Variants in COL21A1 observed in about 807,000 individuals in gnomAD.
COL21A1 encodes collagen alpha-1(XXI) chain.
Under a neutral mutation model 137.9 loss-of-function variants are expected in COL21A1, and 149 were observed. The ratio of observed to expected loss-of-function variants is 1.08; its 90% CI spans 0.95 to 1.24. COL21A1 has a LOEUF of 1.24. Among genes scored for constraint, COL21A1 ranks in the 50% most tolerant of loss-of-function variants. The pLI, the probability that COL21A1 is intolerant of heterozygous loss-of-function variation, is 0.00. For synonymous variants in COL21A1, 456 were observed against 391.5 expected (o/e 1.16, Z -1.95); for missense variants, 1,167 against 1,158.4 (o/e 1.01, Z -0.11).
At position 56,308,730 on chromosome 6, in the gene COL21A1, C is replaced by G. The variant is rs552431083; in HGVS notation, c.-39+85241G>C. Among the ~76,000 whole-genome samples, 111 of 45,774 alleles carry G rather than the reference C, an allele frequency of 2.4e-3. No homozygotes were observed. The South Asian group carries it at 0.078, about 32-fold the overall frequency. The allele number at this position is 45,774 out of a possible 152,430, so 30.0% of individuals were successfully genotyped here. A position where few individuals can be genotyped will look rare whatever the true frequency, so the allele number is the denominator to read the frequency against. ...TAGAGGATAGATCTCGTTAAATGTT[C>G]TTACTACAAAAAAACAAATAAGATT... is the stretch of plus-strand genomic sequence containing the variant. On this transcript the variant is annotated intron_variant, in intron 1 of 28. Coordinates refer to the COL21A1 transcript ENST00000370819.
intron 16 of COL21A1, among the ~76,000 whole-genome samples, chr6:56,123,707 G>A (rs539367547): frequency 1.3e-5 from 2 of 152,258 alleles, no homozygotes; most frequent in East Asian, 3.9e-4. Context: ...CCACACAACT[G>A]ATAAAGAAGC....
intron 16 of COL21A1, among the ~76,000 whole-genome samples, chr6:56,106,358 C>T (rs1770890692): frequency 6.6e-6 from 1 of 152,138 alleles, no homozygotes; most frequent in South Asian, 2.1e-4. Flanking sequence ...CCCATTCTTT[C>T]CCCTTCTCTA....
intron 1 of COL21A1, among the ~76,000 whole-genome samples, chr6:56,352,700 A>G (rs1344847082): frequency 6.6e-6 from 1 of 152,144 alleles, no homozygotes; most frequent in Non-Finnish European, 1.5e-5. Flanking sequence ...TATCCTCACT[A>G]GTATAATGGA....
At chr6:56,385,024 C>A (rs1042092680) in intron 1 of COL21A1, among the ~76,000 whole-genome samples, 1 of 152,180 alleles carries the variant, frequency 6.6e-6, no homozygotes, top group Non-Finnish European at 1.5e-5. Context: ...GCAGTCTCAA[C>A]TGAGTCCTGC....
chr6:56,237,231 A>T (rs1781963647), intron 1 of COL21A1, among the ~76,000 whole-genome samples: 1 of 152,124 alleles, frequency 6.6e-6, no homozygotes, highest in Non-Finnish European at 1.5e-5. Flanking sequence ...ACATGTCTTC[A>T]TTGCAACTTG....
intron 1 of COL21A1, among the ~76,000 whole-genome samples, chr6:56,195,071 C>T (rs1778934298): frequency 6.6e-6 from 1 of 152,292 alleles, no homozygotes. Flanking sequence ...ATGTGATGCC[C>T]TCTGCGGGCT....
chr6:56,361,878 G>A (rs1471361092), intron 1 of COL21A1, among the ~76,000 whole-genome samples: 1 of 152,152 alleles, frequency 6.6e-6, no homozygotes, highest in Non-Finnish European at 1.5e-5. Flanking sequence ...AGGAAGCACA[G>A]CTCAAAGTGT....
At chr6:56,090,200 C>T (rs12196038) in intron 17 of COL21A1, among the ~76,000 whole-genome samples, 23,096 of 152,150 alleles carry the variant, frequency 0.15, 1,784 homozygotes, top group Middle Eastern at 0.22. Flanking sequence ...GATCGTGCCA[C>T]TGCACTCCAG....
intron 1 of COL21A1, among the ~76,000 whole-genome samples, chr6:56,365,942 A>C (rs1279170953): frequency 6.6e-6 from 1 of 152,258 alleles, no homozygotes; most frequent in Non-Finnish European, 1.5e-5. Context: ...TCCCTAAAAA[A>C]GAATAAAAAG....
intron 1 of COL21A1, among the ~76,000 whole-genome samples, chr6:56,214,696 T>C (rs1780377726): frequency 6.6e-6 from 1 of 151,982 alleles, no homozygotes; most frequent in Non-Finnish European, 1.5e-5. Flanking sequence ...ATCCATTTGA[T>C]CATGGCATAT....
chr6:56,251,416 G>T (rs746299195), upstream of COL21A1, among the ~76,000 whole-genome samples: 1 of 152,028 alleles, frequency 6.6e-6, no homozygotes, highest in African/African-American at 2.4e-5. Context: ...AATATTTATC[G>T]AATGAATACC....
intron 17 of COL21A1, among the ~76,000 whole-genome samples, chr6:56,078,410 C>T (rs998156211): frequency 6.6e-6 from 1 of 151,556 alleles, no homozygotes. Context: ...CAGTTAACAA[C>T]ATTTATATTT....
chr6:56,185,426 C>CTTTT (rs777045553), intron 1 of COL21A1, among the ~76,000 whole-genome samples: 1,095 of 100,098 alleles, frequency 0.011, 120 homozygotes, highest in African/African-American at 0.041. Flanking sequence ...AATGAACAGT[C>CTTTT]TTTTTTTTTT....
intron 1 of COL21A1, among the ~76,000 whole-genome samples, chr6:56,319,333 T>C (rs1204823780): frequency 1.3e-5 from 2 of 152,022 alleles, no homozygotes; most frequent in Non-Finnish European, 2.9e-5. Flanking sequence ...CAGAGATCTT[T>C]TGTACTGTTT....
chr6:56,375,747 T>A lies in COL21A1; in HGVS notation c.-39+18224A>T, dbSNP rs1296657353. Among the ~76,000 whole-genome samples the A allele has an allele frequency of 2.0e-5, 3 of 152,126 alleles. No individual in the cohort carries two copies. The East Asian group carries it at 5.8e-4, about 29-fold the overall frequency. On this transcript the variant is annotated intron_variant, in intron 1 of 28. Transcript: ENST00000370819. ...AAATCAAAATATTCCCTGAAAGACT[T>A]CATTATTGACCACATGTGGCTTGGG...
chr6:56,367,559 A>T (rs1766130050), intron 1 of COL21A1, among the ~76,000 whole-genome samples: 1 of 152,248 alleles, frequency 6.6e-6, no homozygotes, highest in African/African-American at 2.4e-5. Flanking sequence ...AATCCCTCTC[A>T]GACCCTGAGA....
At chr6:56,118,084 C>A (rs1772098580) in intron 16 of COL21A1, among the ~76,000 whole-genome samples, 1 of 151,224 alleles carries the variant, frequency 6.6e-6, no homozygotes, top group South Asian at 2.1e-4. Flanking sequence ...TAATAAAGAT[C>A]AGAGCAGAAA....
Position 56,272,669 on chromosome 6 carries a change from G to A in COL21A1, c.-38-90013C>T, listed in dbSNP as rs114844891. On this transcript the variant is annotated intron_variant, in intron 1 of 28. Coordinates refer to the COL21A1 transcript ENST00000370819. ...CATGTGTTGAGGGAGGGGCCTGGTG[G>A]GAAGTGATTGGATCATGGGGGTGGT... 5.9e-3 allele frequency among the ~76,000 whole-genome samples: 895 copies of A among 152,170 alleles called. 7 individuals are homozygous for A. Among genetic ancestry groups the A allele is most frequent in the Middle Eastern group, 0.014 (4 of 294 alleles).
intron 1 of COL21A1, among the ~76,000 whole-genome samples, chr6:56,320,294 C>T (rs1764833901): frequency 6.6e-6 from 1 of 152,056 alleles, no homozygotes; most frequent in African/African-American, 2.4e-5. Flanking sequence ...GGTATCTTTA[C>T]CTTGTTCCAT....
Sources: gnomAD v4.1 joint callset for allele counts (sites outside exome capture counted in the v4.1 genomes callset) on GRCh38, gnomAD v4.1.1 for gene constraint, MANE v1.5 for transcripts, NCBI Gene and HGNC (gene_info 2026-07-23, HGNC 2026-07-21) for gene names.